TAC1: variants seen among roughly 807,000 people sequenced by gnomAD.
TAC1 encodes the protein tachykinin precursor 1, also known as protachykinin-1.
Under a neutral mutation model 21.7 loss-of-function variants are expected in TAC1, and 12 were observed. The observed-to-expected ratio is 0.55, with a 90% CI of 0.35 to 0.89. The LOEUF is 0.89. Among genes scored for constraint, TAC1 ranks in the 40% least tolerant of loss-of-function variants. TAC1 has a pLI of 0.01. For synonymous variants in TAC1, 52 were observed against 52.0 expected (o/e 1.00, Z 0.00); for missense variants, 128 against 151.4 (o/e 0.85, Z 0.81).
intron 3 of TAC1, 58 bp downstream of exon 3, chr7:97,733,877 T>A: frequency 1.4e-6 from 2 of 1,481,312 alleles, no homozygotes; most frequent in Non-Finnish European, 1.9e-6. Context: ...TGCTCACTCC[T>A]TCCTGGAGTA....
chr7:97,737,504 A>G lies in TAC1; in HGVS notation c.343+1152A>G, dbSNP rs146332705. ...AAAAATCAAAACGCGCAATAGAAAA[A>G]AAAAGTTAACACAATCTGGGCTACG... On this transcript the variant is annotated intron_variant, in intron 6 of 6. Transcript: ENST00000319273. Among the ~76,000 whole-genome samples, 835 of 152,114 alleles carry G rather than the reference A, an allele frequency of 5.5e-3. 15 individuals carry two copies. Among genetic ancestry groups the G allele is most frequent in the African/African-American group, 0.019 (787 of 41,570 alleles).
In TAC1 at chr7:97,732,968, G is replaced by C; in HGVS notation, c.123+233G>C. 1 of 499,716 alleles carries C rather than the reference G, an allele frequency of 2.0e-6. No homozygotes were observed. Among genetic ancestry groups the C allele is most frequent in the South Asian group, 3.1e-5 (1 of 32,586 alleles). The allele number at this position is 499,716 out of a possible 1,614,324, so 31.0% of individuals were successfully genotyped here. A position where few individuals can be genotyped will look rare whatever the true frequency, so the allele number is the denominator to read the frequency against. On this transcript the variant is annotated intron_variant, in intron 2 of 6. Transcript: ENST00000319273. The surrounding 1 kb of genome is among the most constrained non-coding windows in gnomAD (Gnocchi z 6.2). The stretch of plus-strand genomic sequence containing the variant: ...GCACCGTCCGGCCCAGGAACTCCCT[G>C]CAGTAGGGATGCCCTCCCGGATGAG...
intron 3 of TAC1, 171 bp downstream of exon 3, chr7:97,733,990 CG>C: frequency 8.4e-6 from 6 of 717,068 alleles, no homozygotes; most frequent in Non-Finnish European, 1.2e-5. Flanking sequence ...CACGGGCCCG[CG>C]GGGGGAGGGA....
chr7:97,732,495 G>A lies in TAC1; in HGVS notation c.-9-109G>A, dbSNP rs1789457728. ...TTCAGTCCTTATGTTTTTGATCTTG[G>A]TTCATCCGTTGTGGGGCAGAAAATT... On this transcript the variant is annotated intron_variant, in intron 1 of 6. Coordinates refer to ENST00000319273, the MANE Select transcript of TAC1 (RefSeq NM_003182.3). The surrounding 1 kb of genome is among the most constrained non-coding windows in gnomAD (Gnocchi z 6.2). 5 of 1,309,620 alleles carry A rather than the reference G, an allele frequency of 3.8e-6. No individual in the cohort carries two copies. The highest frequency in any genetic ancestry group is 5.3e-6 in the Non-Finnish European group (5 of 936,656). 81.1% of individuals were successfully genotyped at this position (1,309,620 alleles called of 1,614,324 possible). A position where few individuals can be genotyped will look rare whatever the true frequency, so the allele number is the denominator to read the frequency against.
At chr7:97,737,857 C>T (rs28674851) in intron 6 of TAC1, among the ~76,000 whole-genome samples, 28,278 of 151,786 alleles carry the variant, frequency 0.19, 2,755 homozygotes, top group East Asian at 0.27. Context: ...TTTATTTGTA[C>T]CAATACATAC....
At chr7:97,734,714 T>C (rs1789542867) in intron 4 of TAC1, 112 bp from the exon 5 acceptor site, 1 of 810,554 alleles carries the variant, frequency 1.2e-6, no homozygotes, top group Non-Finnish European at 2.0e-6. Context: ...CAGGATAATA[T>C]ATAGATAGAA....
chr7:97,739,669 C>T (rs940335125), intron 6 of TAC1, among the ~76,000 whole-genome samples: 1 of 151,930 alleles, frequency 6.6e-6, no homozygotes, highest in Non-Finnish European at 1.5e-5. Context: ...TGAATGAAAC[C>T]GAGTTCTGTG....
At chr7:97,739,659 T>C (rs80282201) in intron 6 of TAC1, among the ~76,000 whole-genome samples, 150 of 152,198 alleles carry the variant, frequency 9.9e-4, no homozygotes, top group African/African-American at 3.5e-3. Context: ...TGATGAATGA[T>C]GAATGAAACC....
chr7:97,737,483 A>T (rs917911894), intron 6 of TAC1, among the ~76,000 whole-genome samples: 9 of 151,940 alleles, frequency 5.9e-5, no homozygotes, highest in Non-Finnish European at 1.3e-4. Context: ...TGGGGCAAAA[A>T]TCAAAACGCG....
intron 6 of TAC1, among the ~76,000 whole-genome samples, chr7:97,737,639 T>C (rs1789607251): frequency 6.6e-6 from 1 of 152,048 alleles, no homozygotes; most frequent in Admixed American, 6.6e-5. Flanking sequence ...CTTGGTGAAG[T>C]CCACAGGACT....
chr7:97,737,075 T>TA (rs1003826930), intron 6 of TAC1, among the ~76,000 whole-genome samples: 4 of 151,998 alleles, frequency 2.6e-5, no homozygotes, highest in African/African-American at 9.7e-5. Context: ...TCTTTGTAAA[T>TA]ACCACGTACA....
At position 97,739,969 on chromosome 7, in the gene TAC1, T is replaced by C. The variant is rs753812612; in HGVS notation, c.*49T>C. On this transcript the variant is annotated 3_prime_UTR_variant, in exon 7 of 7. Coordinates refer to ENST00000319273, the MANE Select transcript of TAC1 (RefSeq NM_003182.3). ...CAGCTTCATTTGTGTCAATGGGCAA[T>C]GACAGGTAAATTAAGACATGCACTA... The C allele has an allele frequency of 1.2e-5, 16 of 1,359,412 alleles. No homozygotes were observed. The highest frequency in any genetic ancestry group is 1.6e-5 in the Non-Finnish European group (16 of 974,008). 84.2% of individuals were successfully genotyped at this position (1,359,412 alleles called of 1,614,324 possible).
chr7:97,737,841 A>G (rs1789611173), intron 6 of TAC1, among the ~76,000 whole-genome samples: 1 of 151,990 alleles, frequency 6.6e-6, no homozygotes, highest in African/African-American at 2.4e-5. Context: ...TTAAACCACA[A>G]TGGCTTTTAT....
intron 5 of TAC1, 96 bp from the exon 6 acceptor site, chr7:97,736,203 A>G: frequency 2.1e-6 from 2 of 962,498 alleles, no homozygotes; most frequent in South Asian, 3.7e-5. Flanking sequence ...TATTTATTAT[A>G]CAGACATATA....
Position 97,732,695 on chromosome 7 carries a change from T to C in TAC1, c.83T>C (p.Leu28Pro). ...GAAGAAATAGGAGCCAATGATGATC[T>C]GAATTACTGGTCCGACTGGTACGAC... ...FAEEIGANDD[L>P]NYWSDWYDSD... Residue 28 changes from leucine to proline, a missense_variant, in exon 2 of 7, where the codon CTG becomes CCG. Transcript: ENST00000319273. The surrounding 1 kb of genome is among the most constrained non-coding windows in gnomAD (Gnocchi z 6.2). 6.2e-7 allele frequency: 1 copy of C among 1,614,116 alleles called. No homozygotes were observed. Among genetic ancestry groups the C allele is most frequent in the Non-Finnish European group, 8.5e-7 (1 of 1,180,026 alleles).
intron 3 of TAC1, chr7:97,734,033 A>G: frequency 1.5e-6 from 1 of 678,284 alleles, no homozygotes; most frequent in South Asian, 1.9e-5. Context: ...ACTGTATTCG[A>G]GTGAAGCGCT....
Position 97,740,360 on chromosome 7 carries a change from TG to T in TAC1, c.*441del, listed in dbSNP as rs1292303809. Reference sequence around the variant, plus strand: ...TATCTCTGAAGCATGTTTCATGTTTTGTGACTATATAGAGATGTTTTTAAAA... The same window carrying T: ...TATCTCTGAAGCATGTTTCATGTTTTTGACTATATAGAGATGTTTTTAAAA... On this transcript the variant is annotated 3_prime_UTR_variant, in exon 7 of 7. Transcript: ENST00000319273. 1 of 153,216 alleles carries T rather than the reference TG, an allele frequency of 6.5e-6. No homozygotes were observed. Among genetic ancestry groups the T allele is most frequent in the Non-Finnish European group, 1.5e-5 (1 of 68,540 alleles). 9.5% of individuals were successfully genotyped at this position (153,216 alleles called of 1,614,324 possible).
At chr7:97,736,812 A>C (rs1193873466) in intron 6 of TAC1, among the ~76,000 whole-genome samples, 1 of 152,106 alleles carries the variant, frequency 6.6e-6, no homozygotes, top group African/African-American at 2.4e-5. Context: ...TCTTTATGCA[A>C]ATTAATCACT....
intron 6 of TAC1, among the ~76,000 whole-genome samples, chr7:97,738,055 T>C (rs1789616309): frequency 1.3e-5 from 2 of 152,044 alleles, no homozygotes; most frequent in Admixed American, 6.6e-5. Flanking sequence ...TAAAAATCAC[T>C]GTAGTGAATC....
Sources: gnomAD v4.1 joint callset for allele counts (sites outside exome capture counted in the v4.1 genomes callset) on GRCh38, gnomAD v4.1.1 for gene constraint, Gnocchi (gnomAD v3.1) non-coding constraint, MANE v1.5 for transcripts, NCBI Gene and HGNC (gene_info 2026-07-23, HGNC 2026-07-21) for gene names.